The following BICD1 variants were observed in gnomAD, a reference collection of about 807,000 sequenced individuals.
BICD1 encodes BICD cargo adaptor 1, also known as protein bicaudal D homolog 1.
In BICD1, 35 loss-of-function variants were observed where a neutral mutation model predicts 92.5. The observed-to-expected ratio is 0.38, with a 90% CI of 0.29 to 0.50. BICD1 has a LOEUF of 0.50. Ranked by LOEUF, BICD1 falls within the 20% of genes least tolerant of loss-of-function variation. BICD1 has a pLI of 0.93. For synonymous variants in BICD1, 429 were observed against 465.1 expected (o/e 0.92, Z 1.00); for missense variants, 950 against 1,189.8 (o/e 0.80, Z 2.97).
intron 2 of BICD1, chr12:32,227,974 T>C (rs907202741): frequency 2.3e-5 from 5 of 222,206 alleles, no homozygotes; most frequent in African/African-American, 9.3e-5. Flanking sequence ...GTTCTTCTTC[T>C]TGGACAGAAA....
chr12:32,346,536 GTATATATATA>G (rs59893108), intron 8 of BICD1, among the ~76,000 whole-genome samples: 244 of 24,048 alleles, frequency 0.01, 14 homozygotes, highest in East Asian at 0.066. Flanking sequence ...ATATATACGT[GTATATATATA>G]TATATATATA....
chr12:32,260,627 G>A (rs912079255), intron 2 of BICD1, among the ~76,000 whole-genome samples: 14 of 142,220 alleles, frequency 9.8e-5, no homozygotes, highest in Admixed American at 5.1e-4. Flanking sequence ...CTATCCTATT[G>A]TATTCTAGTA....
At chr12:32,342,162 A>G (rs1167260403) in intron 8 of BICD1, among the ~76,000 whole-genome samples, 1 of 142,320 alleles carries the variant, frequency 7.0e-6, no homozygotes, top group Admixed American at 7.3e-5. Context: ...GTGTGTATAT[A>G]TATGTATATA....
chr12:32,190,995 TGAA>T (rs1944548045), intron 1 of BICD1, among the ~76,000 whole-genome samples: 1 of 152,154 alleles, frequency 6.6e-6, no homozygotes, highest in South Asian at 2.1e-4. Flanking sequence ...ACTACTTGGT[TGAA>T]GAAGAAATCA....
intron 8 of BICD1, among the ~76,000 whole-genome samples, chr12:32,350,608 G>A (rs7484762): frequency 0.58 from 88,561 of 152,056 alleles, 26,987 homozygotes; most frequent in African/African-American, 0.77. Context: ...CACCACACTC[G>A]TTATAGAGCA....
At chr12:32,295,353 T>C (rs1947838982) in intron 3 of BICD1, among the ~76,000 whole-genome samples, 1 of 152,172 alleles carries the variant, frequency 6.6e-6, no homozygotes, top group Admixed American at 6.5e-5. Flanking sequence ...TTCAAGGTGC[T>C]TCCTCAGCGA....
intron 1 of BICD1, among the ~76,000 whole-genome samples, chr12:32,209,895 A>G (rs1945163860): frequency 6.6e-6 from 1 of 152,210 alleles, no homozygotes; most frequent in Non-Finnish European, 1.5e-5. Context: ...AAATTAATTA[A>G]ATGACAAAAT....
chr12:32,117,950 A>G (rs1175181143), intron 1 of BICD1, among the ~76,000 whole-genome samples: 1 of 151,126 alleles, frequency 6.6e-6, no homozygotes, highest in Non-Finnish European at 1.5e-5. Context: ...GGGTTTCTCC[A>G]TGTTGGTCAG....
chr12:32,153,316 T>A (rs77413660), intron 1 of BICD1, among the ~76,000 whole-genome samples: 2 of 152,220 alleles, frequency 1.3e-5, no homozygotes, highest in Non-Finnish European at 2.9e-5. Flanking sequence ...CAAGCCACTG[T>A]TGATGGGAAC....
intron 1 of BICD1, among the ~76,000 whole-genome samples, chr12:32,116,658 C>A (rs1294666631): frequency 1.1e-4 from 16 of 148,648 alleles, no homozygotes; most frequent in Non-Finnish European, 1.5e-5. Context: ...TAGCTGGGAC[C>A]ACAGGTGCAC....
Position 32,378,036 on chromosome 12 carries a change from T to G in BICD1, c.*409T>G, listed in dbSNP as rs1311987390. Reference sequence around the variant, plus strand: ...GAAGTTGATTCCAATATGTTTGTCATTGATATTTATTTTGTACTTTATTTG... The same window carrying G: ...GAAGTTGATTCCAATATGTTTGTCAGTGATATTTATTTTGTACTTTATTTG... On this transcript the variant is annotated 3_prime_UTR_variant, in exon 10 of 10. Coordinates refer to ENST00000652176, the MANE Select transcript of BICD1 (RefSeq NM_001714.4). 6.4e-6 allele frequency: 1 copy of G among 155,788 alleles called. No individual in the cohort carries two copies. Among genetic ancestry groups the G allele is most frequent in the Non-Finnish European group, 1.4e-5 (1 of 70,192 alleles). The allele number at this position is 155,788 out of a possible 1,614,324, so 9.7% of individuals were successfully genotyped here. A position where few individuals can be genotyped will look rare whatever the true frequency, so the allele number is the denominator to read the frequency against.
intron 2 of BICD1, among the ~76,000 whole-genome samples, chr12:32,285,100 A>C (rs1456773376): frequency 6.6e-6 from 1 of 152,164 alleles, no homozygotes; most frequent in Admixed American, 6.6e-5. Flanking sequence ...TTGAAGGTTT[A>C]TCTCTGGCTG....
At position 32,257,880 on chromosome 12, in the gene BICD1, T is replaced by C. The variant is rs193118889; in HGVS notation, c.427-36114T>C. 1.4e-4 allele frequency among the ~76,000 whole-genome samples: 22 copies of C among 152,332 alleles called. No individual in the cohort carries two copies. In the East Asian group the frequency reaches 2.7e-3, roughly 19 times the overall value. On this transcript the variant is annotated intron_variant, in intron 2 of 9. Transcript: ENST00000652176. ...ATATAATATATAGATGATACATGTA[T>C]GTGTGTATACATATATTTCATTGTG... is the stretch of plus-strand genomic sequence containing the variant.
At chr12:32,172,753 G>A (rs1368797172) in intron 1 of BICD1, among the ~76,000 whole-genome samples, 4 of 152,288 alleles carry the variant, frequency 2.6e-5, no homozygotes, top group African/African-American at 7.2e-5. Flanking sequence ...TGCTTACCAT[G>A]TGCCAGGCAC....
In BICD1 at chr12:32,337,889, T is replaced by C. The variant is rs1476331233; in HGVS notation, c.2570+73T>C. On this transcript the variant is annotated intron_variant, in intron 7 of 9. Transcript: ENST00000652176. This position sits in a 1 kb window ranked among gnomAD's most constrained non-coding sequence, Gnocchi z 4.7. ...GTTAACTGCAAAAATAAATGTGCTC[T>C]TGTTGTGGAGGATGGAGGAGGGGAA... 1 of 1,535,730 alleles carries C rather than the reference T, an allele frequency of 6.5e-7. No individual in the cohort carries two copies. Among genetic ancestry groups the C allele is most frequent in the East Asian group, 2.3e-5 (1 of 44,044 alleles).
intron 5 of BICD1, among the ~76,000 whole-genome samples, chr12:32,329,970 AC>A (rs143001447): frequency 2.4e-3 from 371 of 152,306 alleles, no homozygotes; most frequent in African/African-American, 8.5e-3. Context: ...AGCACCAAAT[AC>A]CCTCCTGCAA....
At chr12:32,314,318 ATTCT>A (rs1948447476) in intron 4 of BICD1, among the ~76,000 whole-genome samples, 1 of 152,118 alleles carries the variant, frequency 6.6e-6, no homozygotes, top group Non-Finnish European at 1.5e-5. Flanking sequence ...TCATATGGTA[ATTCT>A]ATGTTTTACC....
At chr12:32,350,121 C>G (rs950465316) in intron 8 of BICD1, among the ~76,000 whole-genome samples, 6 of 152,154 alleles carry the variant, frequency 3.9e-5, no homozygotes, top group Non-Finnish European at 4.4e-5. Context: ...GTGAGCATAG[C>G]TCAACTGATG....
chr12:32,215,953 CAAAA>C (rs56005523), intron 1 of BICD1, among the ~76,000 whole-genome samples: 17 of 67,910 alleles, frequency 2.5e-4, no homozygotes, highest in Admixed American at 1.3e-3. Flanking sequence ...GACTCCGTCT[CAAAA>C]AAAAAAAAAA....
Sources: allele counts gnomAD v4.1 joint callset (sites outside exome capture counted in the v4.1 genomes callset), GRCh38; gene constraint gnomAD v4.1.1; non-coding constraint Gnocchi (gnomAD v3.1); transcripts MANE v1.5; gene names NCBI Gene and HGNC (gene_info 2026-07-23, HGNC 2026-07-21).